RGS6: variants seen among roughly 807,000 people sequenced by gnomAD.
RGS6 encodes the protein regulator of G protein signaling 6, also known as regulator of G-protein signaling 6.
Under a neutral mutation model 78.5 loss-of-function variants are expected in RGS6, and 30 were observed. The ratio of observed to expected loss-of-function variants is 0.38; its 90% CI spans 0.29 to 0.52. The LOEUF (loss-of-function observed/expected upper bound fraction) is 0.52, where lower values mean the gene tolerates loss of function less well. Ranked by LOEUF, RGS6 falls within the 20% of genes least tolerant of loss-of-function variation. RGS6 has a pLI of 0.85. For missense variants in RGS6, 495 were observed against 609.7 expected (o/e 0.81, Z 1.98); for synonymous variants, 206 against 206.0 (o/e 1.00, Z 0.00).
intron 2 of RGS6, among the ~76,000 whole-genome samples, chr14:72,121,111 C>T (rs2096039782): frequency 1.3e-5 from 2 of 152,156 alleles, no homozygotes; most frequent in African/African-American, 2.4e-5. Context: ...TCCTCCTCTT[C>T]ACCAACACAG....
the RGS6 span, among the ~76,000 whole-genome samples, chr14:71,916,436 G>T: frequency 6.8e-6 from 1 of 146,850 alleles, no homozygotes; most frequent in Admixed American, 6.8e-5. Context: ...TGGTAAATAG[G>T]TCTCTGTGCT....
intron 2 of RGS6, among the ~76,000 whole-genome samples, chr14:72,084,890 A>G (rs2094963337): frequency 6.6e-6 from 1 of 152,232 alleles, no homozygotes; most frequent in African/African-American, 2.4e-5. Flanking sequence ...AATCTTTAAA[A>G]TATTTGACCA....
intron 17 of RGS6, among the ~76,000 whole-genome samples, chr14:72,544,796 A>T (rs1471203696): frequency 2.6e-5 from 4 of 152,168 alleles, no homozygotes; most frequent in Non-Finnish European, 5.9e-5. Flanking sequence ...GCCAAGGAAG[A>T]GCTAATGAGA....
intron 1 of RGS6, among the ~76,000 whole-genome samples, chr14:71,944,330 T>A (rs1447283474): frequency 6.6e-6 from 1 of 152,090 alleles, no homozygotes; most frequent in African/African-American, 2.4e-5. Flanking sequence ...GGAAACCGAG[T>A]GGAAACGAGG....
chr14:71,895,090 A>G, the RGS6 span, among the ~76,000 whole-genome samples: 1 of 151,972 alleles, frequency 6.6e-6, no homozygotes. Flanking sequence ...ATTTGCTGCC[A>G]GGGAGGAGGC....
intron 13 of RGS6, among the ~76,000 whole-genome samples, chr14:72,503,878 T>C (rs1435760770): frequency 1.3e-5 from 2 of 152,160 alleles, no homozygotes; most frequent in Non-Finnish European, 2.9e-5. Context: ...GGGGTCCCTA[T>C]TGCTTTCCCA....
At chr14:72,573,785 G>T in the RGS6 span, among the ~76,000 whole-genome samples, 1 of 152,040 alleles carries the variant, frequency 6.6e-6, no homozygotes, top group African/African-American at 2.4e-5. Flanking sequence ...CCAATCCTGG[G>T]TTCTCTTCCC....
At chr14:72,333,418 G>A (rs2075432408) in intron 2 of RGS6, among the ~76,000 whole-genome samples, 1 of 152,182 alleles carries the variant, frequency 6.6e-6, no homozygotes, top group South Asian at 2.1e-4. Context: ...ATCTCACTGG[G>A]AGGATGCTGT....
chr14:72,465,324 G>T (rs1025684321), intron 6 of RGS6, among the ~76,000 whole-genome samples: 1 of 152,162 alleles, frequency 6.6e-6, no homozygotes, highest in Non-Finnish European at 1.5e-5. Context: ...AGTGTAGGAT[G>T]TTCAGGGTGA....
intron 1 of RGS6, among the ~76,000 whole-genome samples, chr14:71,960,028 C>T (rs1423975395): frequency 6.6e-6 from 1 of 152,204 alleles, no homozygotes; most frequent in African/African-American, 2.4e-5. Context: ...CCTTCCTGCT[C>T]TGCTCAACAT....
At chr14:72,421,450 A>G (rs2094175762) in intron 3 of RGS6, 1 of 152,194 alleles carries the variant, frequency 6.6e-6, no homozygotes, top group African/African-American at 2.4e-5. Context: ...GTATCACCAA[A>G]GTTCAGAATT....
intron 3 of RGS6, among the ~76,000 whole-genome samples, chr14:72,390,377 C>T (rs1392299501): frequency 6.6e-6 from 1 of 151,978 alleles, no homozygotes; most frequent in Admixed American, 6.6e-5. Flanking sequence ...GGATTACAGG[C>T]ATGAGCCACT....
At chr14:72,323,785 A>G (rs1341867118) in intron 2 of RGS6, among the ~76,000 whole-genome samples, 1 of 122,228 alleles carries the variant, frequency 8.2e-6, no homozygotes, top group African/African-American at 3.1e-5. Flanking sequence ...TGGGTGACAG[A>G]GTGAGACTCC....
upstream of RGS6, among the ~76,000 whole-genome samples, chr14:71,931,596 A>G (rs1267696700): frequency 6.6e-6 from 1 of 152,202 alleles, no homozygotes; most frequent in Admixed American, 6.5e-5. Flanking sequence ...GACATACTAC[A>G]ATTCAGGACT....
intron 2 of RGS6, among the ~76,000 whole-genome samples, chr14:72,128,609 C>T (rs1045321762): frequency 7.9e-5 from 12 of 152,092 alleles, no homozygotes; most frequent in Admixed American, 4.6e-4. Flanking sequence ...TACCCTTATG[C>T]CCTTGGTGTC....
intron 2 of RGS6, among the ~76,000 whole-genome samples, chr14:72,089,663 A>G (rs2095192690): frequency 6.6e-6 from 1 of 152,244 alleles, no homozygotes; most frequent in African/African-American, 2.4e-5. Flanking sequence ...CTAGAGTCAG[A>G]TAATTAGAAC....
chr14:72,089,158 C>T (rs1354650053), intron 2 of RGS6, among the ~76,000 whole-genome samples: 2 of 152,210 alleles, frequency 1.3e-5, no homozygotes, highest in Non-Finnish European at 2.9e-5. Context: ...CCTTCAATTC[C>T]TTGTGCCCAC....
chr14:72,196,951 G>T (rs1209981020), intron 2 of RGS6, among the ~76,000 whole-genome samples: 2 of 152,182 alleles, frequency 1.3e-5, no homozygotes, highest in Non-Finnish European at 2.9e-5. Context: ...TTGAATTATT[G>T]AGGGACATTT....
At chr14:72,629,726 G>A in the RGS6 span, 1 of 1,536,086 alleles carries the variant, frequency 6.5e-7, no homozygotes. Flanking sequence ...ACTGCAGGCA[G>A]GTTGGGTGAC....
Sources: gnomAD v4.1 joint callset for allele counts (sites outside exome capture counted in the v4.1 genomes callset) on GRCh38, gnomAD v4.1.1 for gene constraint, MANE v1.5 for transcripts, NCBI Gene and HGNC (gene_info 2026-07-23, HGNC 2026-07-21) for gene names.